The following PTPRD variants were observed in gnomAD, a reference collection of about 807,000 sequenced individuals.
PTPRD encodes protein tyrosine phosphatase receptor type D, also known as receptor-type tyrosine-protein phosphatase delta.
Under a neutral mutation model 214.5 loss-of-function variants are expected in PTPRD, and 34 were observed. The observed-to-expected ratio is 0.16, with a 90% confidence interval of 0.12 to 0.21. PTPRD has a LOEUF of 0.21. Ranked by LOEUF, PTPRD falls within the 10% of genes least tolerant of loss-of-function variation. PTPRD has a pLI of 1.00. For synonymous variants in PTPRD, 1,128 were observed against 845.7 expected, an observed-to-expected ratio of 1.33 and a Z score of -5.79; for missense variants, 2,545 against 2,398.7, an observed-to-expected ratio of 1.06 and a Z score of -1.27.
chr9:9,455,434 A>G (rs1344873190), intron 8 of PTPRD, among the ~76,000 whole-genome samples: 3 of 151,666 alleles, frequency 2.0e-5, no homozygotes, highest in Non-Finnish European at 4.4e-5. Flanking sequence ...TAACATCATA[A>G]CAATACCAAC....
chr9:10,122,962 G>A (rs1355605982), intron 3 of PTPRD, among the ~76,000 whole-genome samples: 1 of 152,222 alleles, frequency 6.6e-6, no homozygotes, highest in Non-Finnish European at 1.5e-5. Flanking sequence ...CTGCCTTTAA[G>A]CGGCCCGCTT....
At position 10,455,555 on chromosome 9, in the gene PTPRD, T is replaced by C. The variant is rs73390354; in HGVS notation, c.-599-114538A>G. On this transcript the variant is annotated intron_variant, in intron 2 of 45. Transcript: ENST00000381196. ...TTAAACCTGCCATCACCCACATTATTTTGCTTTACAGTAGTTTTTAATTCC... is the reference window on the plus strand; with the variant it reads ...TTAAACCTGCCATCACCCACATTATCTTGCTTTACAGTAGTTTTTAATTCC... Among the ~76,000 whole-genome samples the C allele has an allele frequency of 9.9e-3, 1,509 of 151,828 alleles. 21 individuals are homozygous for C. Among genetic ancestry groups the C allele is most frequent in the African/African-American group, 0.028 (1,181 of 41,536 alleles).
chr9:8,360,334 CTA>C, intron 39 of PTPRD, among the ~76,000 whole-genome samples: 2 of 152,290 alleles, frequency 1.3e-5, no homozygotes, highest in South Asian at 4.1e-4. Flanking sequence ...ATTAAAAACA[CTA>C]AATCTGCTAA....
At chr9:8,801,955 A>C (rs12350494) in intron 11 of PTPRD, among the ~76,000 whole-genome samples, 6,138 of 152,260 alleles carry the variant, frequency 0.04, 218 homozygotes, top group African/African-American at 0.096. Flanking sequence ...ATGTGAACTG[A>C]GATAATTCCC....
intron 9 of PTPRD, among the ~76,000 whole-genome samples, chr9:9,207,734 T>C (rs779220092): frequency 2.3e-4 from 35 of 152,106 alleles, no homozygotes; most frequent in Non-Finnish European, 3.7e-4. Flanking sequence ...CTCGCAAAAA[T>C]ACTTAACAAT....
intron 35 of PTPRD, among the ~76,000 whole-genome samples, 191 bp from the exon 36 acceptor site, chr9:8,404,851 CAGTG>C (rs1216366003): frequency 1.3e-5 from 2 of 152,220 alleles, no homozygotes; most frequent in East Asian, 3.9e-4. Flanking sequence ...ACTGCAGAAA[CAGTG>C]ATAGTCACCA....
chr9:8,840,912 G>A (rs532009103), intron 11 of PTPRD, among the ~76,000 whole-genome samples: 9 of 152,146 alleles, frequency 5.9e-5, no homozygotes, highest in South Asian at 2.1e-4. Context: ...ATGTACAAGG[G>A]ACTTCTATCA....
At chr9:10,597,474 A>T (rs1219846751) in intron 2 of PTPRD, among the ~76,000 whole-genome samples, 1 of 151,866 alleles carries the variant, frequency 6.6e-6, no homozygotes, top group Non-Finnish European at 1.5e-5. Context: ...GCATTTTCTT[A>T]GCATTGGAAT....
chr9:9,874,416 G>C (rs1458256259), intron 5 of PTPRD, among the ~76,000 whole-genome samples: 1 of 151,952 alleles, frequency 6.6e-6, no homozygotes, highest in Non-Finnish European at 1.5e-5. Flanking sequence ...TATACATTTG[G>C]GTCAGAAAGA....
Position 9,220,505 on chromosome 9 carries a change from GT to G in PTPRD, c.-202-37143del, listed in dbSNP as rs757305553. On this transcript the variant is annotated intron_variant, in intron 9 of 45. Coordinates refer to ENST00000381196, the MANE Select transcript of PTPRD (RefSeq NM_002839.4). The stretch of plus-strand genomic sequence containing the variant: ...TTTGTGCATTGGGGATATATTCTTT[GT>G]AAAACTGTTTCTGAAACTTTCTAAA... 4.4e-4 allele frequency among the ~76,000 whole-genome samples: 67 copies of G among 152,024 alleles called. 1 individual carries two copies. The highest frequency in any genetic ancestry group is 1.7e-3 in the South Asian group (8 of 4,816).
chr9:10,360,901 G>C (rs1297576307), intron 2 of PTPRD, among the ~76,000 whole-genome samples: 4 of 152,204 alleles, frequency 2.6e-5, no homozygotes, highest in South Asian at 2.1e-4. Flanking sequence ...AGGAGATCGA[G>C]GCCATCCTGG....
intron 21 of PTPRD, among the ~76,000 whole-genome samples, chr9:8,508,108 C>G (rs572221701): frequency 6.6e-6 from 1 of 152,232 alleles, no homozygotes; most frequent in South Asian, 2.1e-4. Context: ...CTCTCTAGTG[C>G]CACAAAGCTA....
intron 12 of PTPRD, among the ~76,000 whole-genome samples, chr9:8,723,175 A>G (rs2098520226): frequency 1.3e-5 from 2 of 152,060 alleles, no homozygotes; most frequent in Admixed American, 6.6e-5. Flanking sequence ...TGTCCTTTGA[A>G]CACACTAGGC....
At position 9,527,115 on chromosome 9, in the gene PTPRD, T is replaced by G. The variant is rs144714766; in HGVS notation, c.-237+47617A>C. ...AATTCAATCATTTTATATATGGATG[T>G]GAGTGTCTGTATTGAACAAATGAAA... is the stretch of plus-strand genomic sequence containing the variant. On this transcript the variant is annotated intron_variant, in intron 8 of 45. Coordinates refer to ENST00000381196, the MANE Select transcript of PTPRD (RefSeq NM_002839.4). Among the ~76,000 whole-genome samples, 634 of 152,310 alleles carry G rather than the reference T, an allele frequency of 4.2e-3. 4 individuals are homozygous for G. The highest frequency in any genetic ancestry group is 0.015 in the African/African-American group (604 of 41,566).
intron 5 of PTPRD, among the ~76,000 whole-genome samples, chr9:9,919,326 C>T (rs1005728521): frequency 6.6e-6 from 1 of 152,038 alleles, no homozygotes. Context: ...GGTGGCTTGG[C>T]CCAAACTTCA....
intron 9 of PTPRD, among the ~76,000 whole-genome samples, chr9:9,237,967 G>C (rs2099967993): frequency 6.6e-6 from 1 of 152,030 alleles, no homozygotes; most frequent in Admixed American, 6.6e-5. Context: ...TGTCACCTTT[G>C]ATTTTCTGTC....
chr9:9,185,815 T>C lies in PTPRD; in HGVS notation c.-202-2452A>G, dbSNP rs200744876. Among the ~76,000 whole-genome samples, 4 of 152,064 alleles carry C rather than the reference T, an allele frequency of 2.6e-5. No individual in the cohort carries two copies. In the South Asian group the frequency reaches 6.2e-4, roughly 24 times the overall value. ...TAGTGTCAGGCAAACATGCGTTGGA[T>C]TTACTAGTTAAAGACACCTCTTACA... On this transcript the variant is annotated intron_variant, in intron 9 of 45. Coordinates refer to ENST00000381196, the MANE Select transcript of PTPRD (RefSeq NM_002839.4).
chr9:9,102,464 G>A (rs1484008377), intron 10 of PTPRD, among the ~76,000 whole-genome samples: 2 of 152,174 alleles, frequency 1.3e-5, no homozygotes, highest in Non-Finnish European at 2.9e-5. Flanking sequence ...CCAGCCAAGG[G>A]GGTAGAGAGA....
intron 12 of PTPRD, among the ~76,000 whole-genome samples, chr9:8,678,744 G>A (rs927665734): frequency 6.6e-6 from 1 of 152,090 alleles, no homozygotes; most frequent in Non-Finnish European, 1.5e-5. Context: ...ACTCCCTTAT[G>A]TATAAAATGA....
Sources: gnomAD v4.1 joint callset for allele counts (sites outside exome capture counted in the v4.1 genomes callset) on GRCh38, gnomAD v4.1.1 for gene constraint, MANE v1.5 for transcripts, NCBI Gene and HGNC (gene_info 2026-07-23, HGNC 2026-07-21) for gene names.